Variants in EYS observed in about 807,000 individuals in gnomAD.
The protein encoded by EYS is protein eyes shut homolog.
EYS carries 250 observed loss-of-function variants against 282.1 expected under a neutral mutation model. The observed-to-expected ratio is 0.89, with a 90% CI of 0.80 to 0.98. EYS has a LOEUF of 0.98. Among genes scored for constraint, EYS ranks in the 50% least tolerant of loss-of-function variants. The probability of loss-of-function intolerance (pLI) is 0.00; values close to 1 mark genes in which losing one functional copy is unlikely to be tolerated. For missense variants in EYS, 4,016 were observed against 3,709.0 expected (o/e 1.08, Z -2.15); for synonymous variants, 1,355 against 1,282.9 (o/e 1.06, Z -1.20).
intron 29 of EYS, among the ~76,000 whole-genome samples, chr6:64,369,737 C>T (rs655613): frequency 0.69 from 103,872 of 151,466 alleles, 35,625 homozygotes; most frequent in South Asian, 0.71. Flanking sequence ...TAGTCTTTGT[C>T]CTAAAGCTCT....
intron 12 of EYS, among the ~76,000 whole-genome samples, chr6:65,186,474 A>G (rs934030811): frequency 1.3e-4 from 19 of 151,750 alleles, no homozygotes; most frequent in Admixed American, 6.6e-5. Flanking sequence ...ACTGGTAACT[A>G]CATATTTGTC....
At chr6:64,334,040 C>A (rs1246267363) in intron 29 of EYS, among the ~76,000 whole-genome samples, 1 of 152,124 alleles carries the variant, frequency 6.6e-6, no homozygotes, top group South Asian at 2.1e-4. Context: ...CCTGACAAGG[C>A]CTTTCAGAAC....
At chr6:64,936,797 G>A (rs1013621789) in intron 15 of EYS, among the ~76,000 whole-genome samples, 4 of 151,432 alleles carry the variant, frequency 2.6e-5, no homozygotes, top group African/African-American at 9.6e-5. Flanking sequence ...TTAAAGTTAT[G>A]GCTGCCATTT....
chr6:63,796,655 T>G (rs953581231), intron 37 of EYS, among the ~76,000 whole-genome samples: 1 of 152,184 alleles, frequency 6.6e-6, no homozygotes. Context: ...TAATGTACTT[T>G]GCAGAGTTCA....
intron 5 of EYS, among the ~76,000 whole-genome samples, chr6:65,462,227 T>C (rs1764849097): frequency 1.3e-5 from 2 of 152,126 alleles, no homozygotes; most frequent in Non-Finnish European, 2.9e-5. Flanking sequence ...TCATGTAATG[T>C]ATGATACTTT....
chr6:63,900,056 A>G (rs1263260760), intron 35 of EYS, among the ~76,000 whole-genome samples: 2 of 152,172 alleles, frequency 1.3e-5, no homozygotes, highest in Non-Finnish European at 2.9e-5. Context: ...ATTGGAAAAT[A>G]ATCACGTAGA....
chr6:64,998,047 G>C (rs1183768564), intron 13 of EYS, among the ~76,000 whole-genome samples: 1 of 152,020 alleles, frequency 6.6e-6, no homozygotes, highest in Non-Finnish European at 1.5e-5. Flanking sequence ...GGTTACTCTT[G>C]TATCATTTAA....
intron 22 of EYS, among the ~76,000 whole-genome samples, chr6:64,633,143 G>A (rs1767849215): frequency 6.6e-6 from 1 of 152,094 alleles, no homozygotes; most frequent in South Asian, 2.1e-4. Flanking sequence ...TACAGATTAA[G>A]AGGAGTTATT....
At chr6:64,569,214 C>G (rs1403453618) in intron 26 of EYS, among the ~76,000 whole-genome samples, 1 of 151,798 alleles carries the variant, frequency 6.6e-6, no homozygotes, top group Non-Finnish European at 1.5e-5. Context: ...GGAGCATATT[C>G]TAACCCAATG....
At chr6:65,103,927 C>T (rs1774964242) in intron 12 of EYS, among the ~76,000 whole-genome samples, 1 of 151,404 alleles carries the variant, frequency 6.6e-6, no homozygotes, top group African/African-American at 2.4e-5. Context: ...AACAAACTCC[C>T]AGTCATGCTA....
chr6:64,201,238 G>T (rs1364354778), intron 31 of EYS, among the ~76,000 whole-genome samples: 2 of 151,824 alleles, frequency 1.3e-5, no homozygotes, highest in Non-Finnish European at 2.9e-5. Flanking sequence ...TTGTTTCCTT[G>T]CTTCCTTTTA....
intron 26 of EYS, among the ~76,000 whole-genome samples, chr6:64,538,332 T>C (rs763379954): frequency 5.9e-5 from 9 of 152,192 alleles, no homozygotes; most frequent in Non-Finnish European, 1.2e-4. Context: ...ATAACTAAAG[T>C]TGAATAACTT....
chr6:65,454,841 C>T (rs779643521), intron 5 of EYS, among the ~76,000 whole-genome samples: 4 of 151,828 alleles, frequency 2.6e-5, no homozygotes, highest in South Asian at 4.2e-4. Context: ...TTCTGGGATC[C>T]CTATTGTGTT....
At chr6:65,466,990 G>A (rs981006434) in intron 5 of EYS, among the ~76,000 whole-genome samples, 10 of 152,152 alleles carry the variant, frequency 6.6e-5, no homozygotes, top group African/African-American at 2.4e-4. Context: ...GTTATACAAA[G>A]TAGGCAGGCT....
chr6:65,440,092 A>T (rs1372121532), intron 5 of EYS, among the ~76,000 whole-genome samples: 1 of 152,110 alleles, frequency 6.6e-6, no homozygotes, highest in African/African-American at 2.4e-5. Flanking sequence ...TTCAAAAAGG[A>T]TAAATCACAT....
intron 27 of EYS, among the ~76,000 whole-genome samples, chr6:64,437,084 A>G (rs1774775438): frequency 6.7e-6 from 1 of 148,560 alleles, no homozygotes; most frequent in African/African-American, 2.4e-5. Flanking sequence ...ATAATGCTAT[A>G]TATTTTAACT....
chr6:64,455,218 G>C (rs1243741487), intron 26 of EYS, among the ~76,000 whole-genome samples: 2 of 151,964 alleles, frequency 1.3e-5, no homozygotes, highest in Non-Finnish European at 2.9e-5. Flanking sequence ...ACCCAAACAC[G>C]TTTATTTTTA....
At chr6:63,962,760 T>C (rs1461225496) in intron 35 of EYS, among the ~76,000 whole-genome samples, 1 of 152,178 alleles carries the variant, frequency 6.6e-6, no homozygotes, top group Non-Finnish European at 1.5e-5. Flanking sequence ...CATTACTGGG[T>C]ATATACCCAA....
intron 35 of EYS, among the ~76,000 whole-genome samples, chr6:63,908,670 C>T (rs1218370082): frequency 1.3e-5 from 2 of 151,822 alleles, no homozygotes; most frequent in Non-Finnish European, 2.9e-5. Context: ...AGGCTAGTCT[C>T]GAACTCCTGA....
Sources: gnomAD v4.1 joint callset for allele counts (sites outside exome capture counted in the v4.1 genomes callset) on GRCh38, gnomAD v4.1.1 for gene constraint, MANE v1.5 for transcripts, NCBI Gene and HGNC (gene_info 2026-07-23, HGNC 2026-07-21) for gene names.